ABCA13: variants seen among roughly 807,000 people sequenced by gnomAD.
ABCA13 encodes ATP binding cassette subfamily A member 13.
A neutral mutation model predicts 478.7 loss-of-function variants in ABCA13; 476 were observed. That is an observed-to-expected ratio of 0.99 (90% confidence interval 0.92 to 1.07). ABCA13 has a LOEUF of 1.07. Among genes scored for constraint, ABCA13 ranks in the 50% least tolerant of loss-of-function variants. The pLI, the probability that ABCA13 is intolerant of heterozygous loss-of-function variation, is 0.00. For missense variants in ABCA13, 6,060 were observed against 5,910.6 expected, an observed-to-expected ratio of 1.03 and a Z score of -0.83; for synonymous variants, 2,252 against 2,158.9, an observed-to-expected ratio of 1.04 and a Z score of -1.20.
intron 42 of ABCA13, among the ~76,000 whole-genome samples, chr7:48,447,187 T>C (rs950092636): frequency 6.6e-6 from 1 of 152,194 alleles, no homozygotes; most frequent in Admixed American, 6.5e-5. Flanking sequence ...AAGTGGGTAA[T>C]GCAGACAGGA....
chr7:48,276,472 A>AT lies in ABCA13; in HGVS notation c.6806_6807insT (p.Lys2269AsnfsTer13). Reference sequence around the variant, plus strand: ...GTAGATTTCACAGAACAGTTTTTGAAAACATTCTTCTCCCTTTTTCTAAAG... The same window carrying AT: ...GTAGATTTCACAGAACAGTTTTTGAATAACATTCTTCTCCCTTTTTCTAAAG... On this transcript the variant is annotated frameshift_variant, in exon 17 of 62. Transcript: ENST00000435803. LOFTEE classifies it high-confidence loss of function. The AT allele has an allele frequency of 6.2e-7, 1 of 1,604,440 alleles. No homozygotes were observed. Among genetic ancestry groups the AT allele is most frequent in the Admixed American group, 1.7e-5 (1 of 58,222 alleles).
At chr7:48,561,912 CATAAG>C (rs1308350647) in intron 55 of ABCA13, among the ~76,000 whole-genome samples, 2 of 151,978 alleles carry the variant, frequency 1.3e-5, no homozygotes, top group South Asian at 2.1e-4. Flanking sequence ...TTGGATATCG[CATAAG>C]ATAAGTGTCC....
At chr7:48,556,629 T>A (rs1785857367) in intron 55 of ABCA13, among the ~76,000 whole-genome samples, 2 of 152,000 alleles carry the variant, frequency 1.3e-5, no homozygotes, top group African/African-American at 4.8e-5. Flanking sequence ...CTACTCATGC[T>A]ACATTTTGGT....
chr7:48,544,355 G>T (rs1409019860), intron 55 of ABCA13, among the ~76,000 whole-genome samples: 2 of 151,818 alleles, frequency 1.3e-5, no homozygotes, highest in Non-Finnish European at 2.9e-5. Flanking sequence ...GGCGCTGGCA[G>T]CCTCTAGGTC....
intron 47 of ABCA13, among the ~76,000 whole-genome samples, chr7:48,483,450 T>C (rs1186054384): frequency 1.3e-5 from 2 of 152,232 alleles, no homozygotes; most frequent in African/African-American, 2.4e-5. Flanking sequence ...GTTGTCATAA[T>C]TGGAAATATC....
rs762072646 is a variant in ABCA13, at chr7:48,278,578, A to C, written c.7384A>C (p.Asn2462His). 2 of 1,613,914 alleles carry C rather than the reference A, an allele frequency of 1.2e-6. No homozygotes were observed. The highest frequency in any genetic ancestry group is 1.7e-6 in the Non-Finnish European group (2 of 1,179,854). Residue 2462 changes from asparagine (N) to histidine (H), a missense_variant, in exon 18 of 62, where the codon AAT becomes CAT. Physicochemically the swap from Asn to His is moderately conservative, Grantham distance 68. Coordinates refer to ENST00000435803, the MANE Select transcript of ABCA13 (RefSeq NM_152701.5). ...NLTDLLFFIN[N>H]SFPLRNRATL... ...AACGGATTTGCTTTTCTTTATAAAT[A>C]ATTCATTCCCTCTAAGAAACAGAGC...
chr7:48,422,156 T>G (rs942011850), intron 41 of ABCA13, among the ~76,000 whole-genome samples: 8 of 151,626 alleles, frequency 5.3e-5, no homozygotes, highest in African/African-American at 9.7e-5. Flanking sequence ...AGAGACCCTG[T>G]TCCCTTTTTC....
intron 1 of ABCA13, 51 bp downstream of exon 1, chr7:48,171,603 G>T: frequency 6.6e-7 from 1 of 1,525,642 alleles, no homozygotes; most frequent in Non-Finnish European, 8.8e-7. Context: ...TCTGGAGCAA[G>T]ATCAGGGTCT....
At chr7:48,340,326 G>A (rs1334832659) in intron 29 of ABCA13, among the ~76,000 whole-genome samples, 1 of 152,064 alleles carries the variant, frequency 6.6e-6, no homozygotes, top group Non-Finnish European at 1.5e-5. Flanking sequence ...AGGTTGGCTC[G>A]AACTCCTGAC....
intron 27 of ABCA13, among the ~76,000 whole-genome samples, chr7:48,335,004 G>A (rs1806020728): frequency 1.3e-5 from 2 of 152,166 alleles, no homozygotes; most frequent in South Asian, 2.1e-4. Context: ...TACTCTGCCA[G>A]TAGCAATAAA....
At chr7:48,428,979 A>G (rs1346189549) in intron 42 of ABCA13, among the ~76,000 whole-genome samples, 3 of 152,138 alleles carry the variant, frequency 2.0e-5, no homozygotes, top group South Asian at 4.1e-4. Flanking sequence ...GCAACCCCTA[A>G]TGTACTTTCA....
chr7:48,417,775 A>T (rs987439619), intron 41 of ABCA13, among the ~76,000 whole-genome samples: 1 of 152,198 alleles, frequency 6.6e-6, no homozygotes, highest in Non-Finnish European at 1.5e-5. Context: ...CTGCCATTAT[A>T]GTATGATATG....
chr7:48,187,338 A>T (rs1165521406), intron 1 of ABCA13, among the ~76,000 whole-genome samples: 1 of 150,676 alleles, frequency 6.6e-6, no homozygotes, highest in African/African-American at 2.4e-5. Context: ...AGTAGCTTGA[A>T]GTTTAATGGC....
chr7:48,406,465 TTA>T (rs1281340031), intron 39 of ABCA13, among the ~76,000 whole-genome samples: 2 of 152,196 alleles, frequency 1.3e-5, no homozygotes, highest in Non-Finnish European at 2.9e-5. Flanking sequence ...CAGGTTATCA[TTA>T]TTATTATTAA....
rs1796732453 is a variant in ABCA13, at chr7:48,279,429, T to C, written c.8235T>C (p.Ala2745=). ...TGGTGATCTGTCTCACCTTAGAAGC[T>C]CTTTGGAAAAACTTAAAGAAAGATA... ...LKMVICLTLE[A]LWKNLKKDNW... Residue 2745 remains alanine, a synonymous_variant, in exon 18 of 62, where the codon GCT becomes GCC. Transcript: ENST00000435803. 6.2e-7 allele frequency: 1 copy of C among 1,605,202 alleles called. No homozygotes were observed.
At chr7:48,256,491 A>T (rs1793402942) in intron 15 of ABCA13, among the ~76,000 whole-genome samples, 2 of 152,088 alleles carry the variant, frequency 1.3e-5, no homozygotes. Flanking sequence ...TGAGAAAGGG[A>T]TCCAGCTTCA....
intron 37 of ABCA13, among the ~76,000 whole-genome samples, chr7:48,391,246 T>C (rs1254907321): frequency 6.6e-6 from 1 of 152,158 alleles, no homozygotes; most frequent in African/African-American, 2.4e-5. Flanking sequence ...AGGATTTAGG[T>C]ATATATGTCA....
chr7:48,376,316 A>G, intron 34 of ABCA13, 125 bp from the exon 35 acceptor site: 1 of 1,157,664 alleles, frequency 8.6e-7, no homozygotes, highest in Admixed American at 2.6e-5. Context: ...AGTGATATTG[A>G]CCTTCTTTTT....
intron 55 of ABCA13, among the ~76,000 whole-genome samples, chr7:48,575,788 A>ACT (rs1341382860): frequency 6.6e-6 from 1 of 152,184 alleles, no homozygotes; most frequent in Non-Finnish European, 1.5e-5. Context: ...CAACAGGAAA[A>ACT]TACCTTAAAA....
Sources: allele counts gnomAD v4.1 joint callset (sites outside exome capture counted in the v4.1 genomes callset), GRCh38; gene constraint gnomAD v4.1.1; transcripts MANE v1.5; gene names NCBI Gene and HGNC (gene_info 2026-07-23, HGNC 2026-07-21).